The following ARHGAP45 variants were observed in gnomAD, a reference collection of about 807,000 sequenced individuals.
ARHGAP45 encodes Rho GTPase activating protein 45, also known as rho GTPase-activating protein 45.
In ARHGAP45, 56 loss-of-function variants were observed where a neutral mutation model predicts 116.1. The ratio of observed to expected loss-of-function variants is 0.48; its 90% CI spans 0.39 to 0.60. ARHGAP45 has a LOEUF of 0.60. Ranked by LOEUF, ARHGAP45 falls within the 20% of genes least tolerant of loss-of-function variation. ARHGAP45 has a pLI of 0.00. For synonymous variants in ARHGAP45, 866 were observed against 701.7 expected (o/e 1.23, Z -3.70); for missense variants, 1,622 against 1,601.0 (o/e 1.01, Z -0.22).
intron 2 of ARHGAP45, among the ~76,000 whole-genome samples, chr19:1,070,723 G>A (rs570563496): frequency 3.5e-4 from 53 of 151,670 alleles, no homozygotes; most frequent in African/African-American, 7.5e-4. Flanking sequence ...GCTAAAAACC[G>A]TTCTCCCGGC....
chr19:1,071,468 G>A lies in ARHGAP45; in HGVS notation c.422-1681G>A. 3.5e-6 allele frequency: 3 copies of A among 860,206 alleles called. No homozygotes were observed. Among genetic ancestry groups the A allele is most frequent in the Non-Finnish European group, 4.3e-6 (3 of 703,176 alleles). The allele number at this position is 860,206 out of a possible 1,614,324, so 53.3% of individuals were successfully genotyped here. ...GCAGCGGCTGCCGCGCGCCTGGCCT[G>A]GCCGTGCGCACCTGGGCATCCCTGC... On this transcript the variant is annotated intron_variant, in intron 2 of 22. Coordinates refer to ENST00000313093, the MANE Select transcript of ARHGAP45 (RefSeq NM_012292.5). The surrounding 1 kb of genome is among the most constrained non-coding windows in gnomAD (Gnocchi z 4.6).
intron 3 of ARHGAP45, 63 bp downstream of exon 3, chr19:1,073,355 A>T: frequency 6.3e-7 from 1 of 1,597,312 alleles, no homozygotes; most frequent in African/African-American, 1.3e-5. Context: ...GGAGGAGGGG[A>T]TGTTTGAAGT....
At chr19:1,078,861 C>G (rs982481291) in intron 11 of ARHGAP45, among the ~76,000 whole-genome samples, 2 of 151,286 alleles carry the variant, frequency 1.3e-5, no homozygotes, top group African/African-American at 4.8e-5. Context: ...GGACCACAGG[C>G]GTGTGCCGCC....
chr19:1,076,894 ATTT>A (rs879316061), intron 10 of ARHGAP45: 5 of 396,088 alleles, frequency 1.3e-5, no homozygotes, highest in African/African-American at 2.2e-5. Flanking sequence ...GTCTGGCTAA[ATTT>A]TTTAATTTTT....
chr19:1,074,157 G>A lies in ARHGAP45; in HGVS notation c.844G>A (p.Val282Met), dbSNP rs757852583. 6.2e-6 allele frequency: 10 copies of A among 1,613,320 alleles called. No homozygotes were observed. The highest frequency in any genetic ancestry group is 8.5e-6 in the Non-Finnish European group (10 of 1,180,002). The change falls in exon 7 of 23, where the codon GTG becomes ATG. Residue 282 changes from valine (V) to methionine (M), a missense_variant. By Grantham distance (21) the Val-to-Met change is conservative. This residue lies in a region of ARHGAP45 where 1,334 missense variants were observed against 1,263.8 expected (regional missense o/e 1.06). Coordinates refer to ENST00000313093, the MANE Select transcript of ARHGAP45 (RefSeq NM_012292.5). ...GCTGCTACAGCGCTGTGAGGGGGGC[G>A]TGGATGCCGCACTGCTGTATGCCAA... ...DVLLQRCEGG[V>M]DAALLYAKNM...
At chr19:1,085,510 T>TCCATCTCTCCTGACTCTCC in intron 22 of ARHGAP45, 150 bp from the exon 23 acceptor site, 1 of 543,732 alleles carries the variant, frequency 1.8e-6, no homozygotes, top group Non-Finnish European at 3.3e-6. Context: ...TTGTCTCTCC[T>TCCATCTCTCCTGACTCTCC]CCATCTCTCC....
intron 10 of ARHGAP45, chr19:1,077,571 A>G: frequency 8.4e-7 from 1 of 1,196,544 alleles, no homozygotes; most frequent in South Asian, 1.7e-5. Flanking sequence ...TTTTGGGTAG[A>G]TACGGGGTTT....
chr19:1,067,962 G>A (rs948687454), intron 1 of ARHGAP45, among the ~76,000 whole-genome samples: 2 of 139,212 alleles, frequency 1.4e-5, no homozygotes, highest in African/African-American at 2.6e-5. Flanking sequence ...GCTGGGGGGG[G>A]GGTCTACAGA....
At position 1,074,383 on chromosome 19, in the gene ARHGAP45, C is replaced by T; in HGVS notation, c.969C>T (p.Asn323=). The T allele has an allele frequency of 6.3e-7, 1 of 1,592,170 alleles. No individual in the cohort carries two copies. Among genetic ancestry groups the T allele is most frequent in the Non-Finnish European group, 8.6e-7 (1 of 1,168,582 alleles). ...AGGGCCTGCAGAAGATCGCTCACAA[C>T]TGCAGACAGAGCGTCATGCAGGAGG... is the stretch of plus-strand genomic sequence containing the variant. ...FAKGLQKIAH[N]CRQSVMQEPH... The change falls in exon 8 of 23, where the codon AAC becomes AAT. Residue 323 remains asparagine, a synonymous_variant. Transcript: ENST00000313093.
chr19:1,081,266 G>T, intron 17 of ARHGAP45: 1 of 663,192 alleles, frequency 1.5e-6, no homozygotes. Flanking sequence ...AGCGAGGCAG[G>T]GGGCAGACCT....
rs199947251 is a variant in ARHGAP45, at chr19:1,081,889, C to A, written c.2445C>A (p.Gly815=). 57 of 1,613,108 alleles carry A rather than the reference C, an allele frequency of 3.5e-5. No individual in the cohort carries two copies. The highest frequency in any genetic ancestry group is 2.9e-5 in the Non-Finnish European group (34 of 1,179,912). Residue 815 remains glycine (G), a synonymous_variant, in exon 19 of 23, where the codon GGC becomes GGA. Transcript: ENST00000313093. ...VEKLCQAFEN[G]KELVELSQAS... ...AGCTGTGCCAGGCCTTCGAGAACGG[C>A]AAGGAGCTGGTCGAGCTGTCGCAGG...
At chr19:1,084,737 A>G (rs943860061) in intron 22 of ARHGAP45, among the ~76,000 whole-genome samples, 1 of 152,180 alleles carries the variant, frequency 6.6e-6, no homozygotes, top group African/African-American at 2.4e-5. Context: ...CAGCTGGCCG[A>G]GTGCCGCATC....
chr19:1,077,054 T>G, intron 10 of ARHGAP45: 4 of 984,354 alleles, frequency 4.1e-6, no homozygotes, highest in Non-Finnish European at 4.8e-6. Context: ...GATGAGTCCG[T>G]TTGTTTGTGT....
chr19:1,074,938 T>TCCCAGC (rs1052218016), intron 10 of ARHGAP45, 59 bp downstream of exon 10: 43 of 1,413,356 alleles, frequency 3.0e-5, no homozygotes, highest in East Asian at 7.9e-5. Flanking sequence ...GCAGGCGCAG[T>TCCCAGC]CCCAGCCCCA....
At chr19:1,075,236 C>CCTTT (rs1555706975) in intron 10 of ARHGAP45, among the ~76,000 whole-genome samples, 4 of 131,050 alleles carry the variant, frequency 3.1e-5, no homozygotes, top group Non-Finnish European at 6.3e-5. Flanking sequence ...TGCATGTATT[C>CCTTT]TTTTTTTTTT....
chr19:1,072,676 C>G (rs990242700), intron 2 of ARHGAP45, among the ~76,000 whole-genome samples: 6 of 152,332 alleles, frequency 3.9e-5, no homozygotes, highest in African/African-American at 1.4e-4. Flanking sequence ...CTGGCGTTCT[C>G]ACGCCTTCAG....
At chr19:1,084,200 GC>G in intron 21 of ARHGAP45, 37 bp from the exon 22 acceptor site, 1 of 1,566,330 alleles carries the variant, frequency 6.4e-7, no homozygotes, top group Non-Finnish European at 8.8e-7. Flanking sequence ...GGAAAATGGA[GC>G]CCCGGCCCCT....
intron 2 of ARHGAP45, among the ~76,000 whole-genome samples, chr19:1,070,755 A>C (rs2043125150): frequency 6.6e-6 from 1 of 151,872 alleles, no homozygotes; most frequent in Admixed American, 6.5e-5. Context: ...AAGTGCTGGG[A>C]TAACAGGCCT....
intron 10 of ARHGAP45, among the ~76,000 whole-genome samples, chr19:1,076,736 A>G (rs1172407993): frequency 6.6e-6 from 1 of 151,762 alleles, no homozygotes; most frequent in Non-Finnish European, 1.5e-5. Context: ...ACCTCAGGTA[A>G]TCTGCCCACC....
Sources: gnomAD v4.1 joint callset for allele counts (sites outside exome capture counted in the v4.1 genomes callset) on GRCh38, gnomAD v4.1.1 for gene constraint, gnomAD v4.1.1 regional missense constraint, Gnocchi (gnomAD v3.1) non-coding constraint, MANE v1.5 for transcripts, NCBI Gene and HGNC (gene_info 2026-07-23, HGNC 2026-07-21) for gene names.